Variants in SLC16A7 observed in about 807,000 individuals in gnomAD.
The protein encoded by SLC16A7 is monocarboxylate transporter 2.
In SLC16A7, 33 loss-of-function variants were observed where a neutral mutation model predicts 34.9. That is an observed-to-expected ratio of 0.94 (90% CI 0.72 to 1.26). The LOEUF is 1.26. Ranked by LOEUF, SLC16A7 falls within the 50% of genes most tolerant of loss-of-function variation. The probability of loss-of-function intolerance (pLI) is 0.00; values close to 1 mark genes in which losing one functional copy is unlikely to be tolerated. For missense variants in SLC16A7, 573 were observed against 578.1 expected, an observed-to-expected ratio of 0.99 and a Z score of 0.09; for synonymous variants, 201 against 206.6, an observed-to-expected ratio of 0.97 and a Z score of 0.23.
At chr12:59,758,022 A>G (rs945891614) in intron 3 of SLC16A7, among the ~76,000 whole-genome samples, 2 of 152,230 alleles carry the variant, frequency 1.3e-5, no homozygotes, top group South Asian at 2.1e-4. Flanking sequence ...TAATTGACAA[A>G]TAAGTATTAC....
chr12:59,704,199 C>CAA (rs34021022), intron 2 of SLC16A7, among the ~76,000 whole-genome samples: 37 of 51,514 alleles, frequency 7.2e-4, no homozygotes, highest in Admixed American at 3.8e-3. Flanking sequence ...GACTCTGTCT[C>CAA]AAAAAAAAAA....
At chr12:59,617,336 A>G (rs1879500236) in intron 1 of SLC16A7, among the ~76,000 whole-genome samples, 1 of 152,022 alleles carries the variant, frequency 6.6e-6, no homozygotes, top group African/African-American at 2.4e-5. Context: ...TCTATAGTCT[A>G]TATTCAGACA....
chr12:59,688,908 TATTA>T (rs1212894665), intron 2 of SLC16A7, among the ~76,000 whole-genome samples: 1 of 151,986 alleles, frequency 6.6e-6, no homozygotes. Flanking sequence ...AAATGTGTAA[TATTA>T]ATTTAAGTAC....
chr12:59,615,478 T>TCTG (rs1879406565), intron 1 of SLC16A7, among the ~76,000 whole-genome samples: 2 of 152,344 alleles, frequency 1.3e-5, no homozygotes, highest in South Asian at 4.1e-4. Flanking sequence ...TTGTTTTTTT[T>TCTG]ACAATCTCTT....
At chr12:59,694,048 A>G (rs1871984439) in intron 2 of SLC16A7, among the ~76,000 whole-genome samples, 1 of 151,986 alleles carries the variant, frequency 6.6e-6, no homozygotes, top group Non-Finnish European at 1.5e-5. Flanking sequence ...AAAAGCTCTA[A>G]AACATTGTTT....
chr12:59,635,275 A>C (rs1253087140), intron 1 of SLC16A7, among the ~76,000 whole-genome samples: 1 of 152,062 alleles, frequency 6.6e-6, no homozygotes, highest in Non-Finnish European at 1.5e-5. Context: ...TGCTATATAC[A>C]GGTACAAAAT....
intron 3 of SLC16A7, among the ~76,000 whole-genome samples, chr12:59,765,340 G>A (rs990595891): frequency 6.6e-6 from 1 of 152,172 alleles, no homozygotes; most frequent in African/African-American, 2.4e-5. Context: ...AGTTTAATTA[G>A]ATCTCATTTG....
intron 2 of SLC16A7, among the ~76,000 whole-genome samples, chr12:59,668,160 A>G (rs1869364321): frequency 6.6e-6 from 1 of 152,204 alleles, no homozygotes; most frequent in African/African-American, 2.4e-5. Flanking sequence ...GTGGGGTCAG[A>G]GCTCCACACA....
chr12:59,671,658 TTC>T (rs34073980), intron 2 of SLC16A7, among the ~76,000 whole-genome samples: 5,817 of 139,462 alleles, frequency 0.042, 277 homozygotes, highest in African/African-American at 0.11. Context: ...ACAGTGCTCT[TTC>T]TCTCTCTCTC....
intron 3 of SLC16A7, among the ~76,000 whole-genome samples, chr12:59,759,240 A>T (rs1361847410): frequency 6.6e-6 from 1 of 151,890 alleles, no homozygotes; most frequent in African/African-American, 2.4e-5. Flanking sequence ...AAATCAATCC[A>T]TCTTTCTATG....
chr12:59,699,434 T>A (rs2706299), intron 2 of SLC16A7, among the ~76,000 whole-genome samples: 94,097 of 151,532 alleles, frequency 0.62, 29,971 homozygotes, highest in African/African-American at 0.77. Context: ...GAAAAAATTT[T>A]AAAATTATGC....
chr12:59,611,476 A>G (rs1379414554), intron 1 of SLC16A7, among the ~76,000 whole-genome samples: 2 of 152,218 alleles, frequency 1.3e-5, no homozygotes, highest in Non-Finnish European at 2.9e-5. Context: ...CTACAGTTCA[A>G]GAGAAGATTT....
chr12:59,607,375 A>G (rs1313063136), intron 1 of SLC16A7, among the ~76,000 whole-genome samples: 2 of 152,168 alleles, frequency 1.3e-5, no homozygotes, highest in Non-Finnish European at 2.9e-5. Flanking sequence ...AAGAATAAGG[A>G]TCATATTACT....
rs1367560605 is a variant in SLC16A7, at chr12:59,785,249, A to G, written c.*5570A>G. On this transcript the variant is annotated 3_prime_UTR_variant, in exon 6 of 6. Transcript: ENST00000547379. Reference sequence around the variant, plus strand: ...TTCTGATTTTCTCTTCTTTCCTATCAGTTGTTTGTACACTGGAGATTTTAG... The same window carrying G: ...TTCTGATTTTCTCTTCTTTCCTATCGGTTGTTTGTACACTGGAGATTTTAG... The G allele has an allele frequency of 6.6e-6, 1 of 152,092 alleles. No homozygotes were observed. The highest frequency in any genetic ancestry group is 1.5e-5 in the Non-Finnish European group (1 of 68,004). 9.4% of individuals were successfully genotyped at this position (152,092 alleles called of 1,614,324 possible).
In SLC16A7 at chr12:59,669,247, A is replaced by G. The variant is rs543311956; in HGVS notation, c.-31+13997A>G. On this transcript the variant is annotated intron_variant, in intron 2 of 5. Coordinates refer to ENST00000547379, the MANE Select transcript of SLC16A7 (RefSeq NM_001270623.2). ...CAAAATATATAAATACATGTGAATC[A>G]TATTCATTTCAAGGTTGAAACAATC... Among the ~76,000 whole-genome samples, 18 of 152,346 alleles carry G rather than the reference A, an allele frequency of 1.2e-4. 1 individual carries two copies. The highest frequency in any genetic ancestry group is 1.2e-3 in the Admixed American group (18 of 15,300).
At chr12:59,739,624 C>A (rs552520662) in intron 3 of SLC16A7, among the ~76,000 whole-genome samples, 1 of 150,518 alleles carries the variant, frequency 6.6e-6, no homozygotes, top group Non-Finnish European at 1.5e-5. Context: ...GCCACACTGT[C>A]TTCCACAATG....
intron 2 of SLC16A7, among the ~76,000 whole-genome samples, chr12:59,701,675 C>A (rs1209254085): frequency 1.3e-5 from 2 of 151,680 alleles, no homozygotes; most frequent in Non-Finnish European, 3.0e-5. Context: ...TCTGCACACA[C>A]CTCTTTACTT....
chr12:59,620,937 A>G (rs1482295477), intron 1 of SLC16A7, among the ~76,000 whole-genome samples: 1 of 151,908 alleles, frequency 6.6e-6, no homozygotes, highest in African/African-American at 2.4e-5. Context: ...TTAGCTATGC[A>G]AAGTTGGCCC....
At chr12:59,667,766 G>T (rs983291984) in intron 2 of SLC16A7, among the ~76,000 whole-genome samples, 1 of 152,210 alleles carries the variant, frequency 6.6e-6, no homozygotes, top group African/African-American at 2.4e-5. Context: ...CGTCTCCAGG[G>T]TATATCAGAG....
Sources: allele counts gnomAD v4.1 joint callset (sites outside exome capture counted in the v4.1 genomes callset), GRCh38; gene constraint gnomAD v4.1.1; transcripts MANE v1.5; gene names NCBI Gene and HGNC (gene_info 2026-07-23, HGNC 2026-07-21).